The following TMEM132D variants were observed in gnomAD, a reference collection of about 807,000 sequenced individuals.
TMEM132D encodes mature OL transmembrane protein.
A neutral mutation model predicts 62.3 loss-of-function variants in TMEM132D; 21 were observed. That is an observed-to-expected ratio of 0.34 (90% CI 0.24 to 0.49). TMEM132D has a LOEUF of 0.49. TMEM132D is among the 20% of genes least tolerant of loss of function. The pLI is 0.99. For missense variants in TMEM132D, 1,346 were observed against 1,402.8 expected, an observed-to-expected ratio of 0.96 and a Z score of 0.65; for synonymous variants, 621 against 575.6, an observed-to-expected ratio of 1.08 and a Z score of -1.13.
chr12:129,695,367 G>A (rs187862297), intron 2 of TMEM132D, among the ~76,000 whole-genome samples: 13 of 152,290 alleles, frequency 8.5e-5, no homozygotes, highest in South Asian at 2.1e-4. Flanking sequence ...GGAAACTAGC[G>A]GGGACATATG....
rs577199861 is a variant in TMEM132D, at chr12:129,871,996, G to A, written c.79+31265C>T. 3.9e-3 allele frequency among the ~76,000 whole-genome samples: 600 copies of A among 152,230 alleles called. 3 individuals carry two copies. Among genetic ancestry groups the A allele is most frequent in the African/African-American group, 0.014 (565 of 41,536 alleles). Reference sequence around the variant, plus strand: ...CCTGTGTGGGTCCACACTCCCCAGCGAGCTGCTTCCCTTCATTTACAGCTC... The same window carrying A: ...CCTGTGTGGGTCCACACTCCCCAGCAAGCTGCTTCCCTTCATTTACAGCTC... On this transcript the variant is annotated intron_variant, in intron 1 of 8. Transcript: ENST00000422113.
chr12:129,719,054 T>C (rs1005293276), intron 1 of TMEM132D, among the ~76,000 whole-genome samples: 11 of 142,138 alleles, frequency 7.7e-5, no homozygotes, highest in Admixed American at 5.1e-4. Flanking sequence ...CTGGGAAACA[T>C]GGCGAGACCT....
At chr12:129,404,098 G>A (rs910575130) in intron 3 of TMEM132D, among the ~76,000 whole-genome samples, 1 of 152,182 alleles carries the variant, frequency 6.6e-6, no homozygotes, top group African/African-American at 2.4e-5. Context: ...GGATGGGGAT[G>A]CAGTTGGAGG....
intron 4 of TMEM132D, among the ~76,000 whole-genome samples, chr12:129,275,513 AAC>A (rs1438785165): frequency 2.0e-5 from 3 of 152,182 alleles, no homozygotes; most frequent in Admixed American, 6.5e-5. Context: ...GAAACTAAAA[AAC>A]ACAAACTACA....
chr12:129,201,969 G>A (rs1248055206), intron 5 of TMEM132D, among the ~76,000 whole-genome samples: 1 of 151,694 alleles, frequency 6.6e-6, no homozygotes, highest in Non-Finnish European at 1.5e-5. Flanking sequence ...GTATATTATT[G>A]CAAACATCTG....
rs142738395 is a variant in TMEM132D, at chr12:129,343,761, C to CA, written c.1116-5945dup. ...GCCTCATCTCTTAAAACAAAAAAAA[C>CA]AAAAAAAAACAAAAAAAAAAAACAA... On this transcript the variant is annotated intron_variant, in intron 3 of 8. Transcript: ENST00000422113. 1.2e-3 allele frequency among the ~76,000 whole-genome samples: 162 copies of CA among 133,226 alleles called. 1 individual carries two copies. Among genetic ancestry groups the CA allele is most frequent in the South Asian group, 4.8e-3 (20 of 4,142 alleles). The allele number at this position is 133,226 out of a possible 152,430, so 87.4% of individuals were successfully genotyped here.
rs56091765 is a variant in TMEM132D, at chr12:129,337,441, G to GCGCACACACA, written c.1299+192_1299+193insTGTGTGTGCG. On this transcript the variant is annotated intron_variant, in intron 4 of 8. Transcript: ENST00000422113. ...TAGATATAGATATAGATACACACAC[G>GCGCACACACA]CACACACACACACACACACACACAC... Among the ~76,000 whole-genome samples, 163 of 148,228 alleles carry GCGCACACACA rather than the reference G, an allele frequency of 1.1e-3. 3 individuals are homozygous for GCGCACACACA. Among genetic ancestry groups the GCGCACACACA allele is most frequent in the African/African-American group, 3.7e-3 (149 of 40,422 alleles).
At chr12:129,381,438 A>C (rs1048343169) in intron 3 of TMEM132D, among the ~76,000 whole-genome samples, 3 of 152,202 alleles carry the variant, frequency 2.0e-5, no homozygotes, top group African/African-American at 7.2e-5. Context: ...TTTTCACTGT[A>C]ATCAGGTTTG....
intron 4 of TMEM132D, among the ~76,000 whole-genome samples, chr12:129,320,198 T>C (rs1868644762): frequency 6.6e-6 from 1 of 152,208 alleles, no homozygotes; most frequent in African/African-American, 2.4e-5. Flanking sequence ...TGTCAATCCA[T>C]ACCTGGAACA....
At position 129,253,179 on chromosome 12, in the gene TMEM132D, C is replaced by T. The variant is rs185753850; in HGVS notation, c.1300-43516G>A. 5.1e-3 allele frequency among the ~76,000 whole-genome samples: 735 copies of T among 143,288 alleles called. 12 individuals carry two copies. Among genetic ancestry groups the T allele is most frequent in the Admixed American group, 0.034 (478 of 13,918 alleles). 94.0% of individuals were successfully genotyped at this position (143,288 alleles called of 152,430 possible). On this transcript the variant is annotated intron_variant, in intron 4 of 8. Transcript: ENST00000422113. ...CATGTTGTGCACATGTACCCTAAAACGTAAAGTAAAATAATAATAATAAAA... is the reference window on the plus strand; with the variant it reads ...CATGTTGTGCACATGTACCCTAAAATGTAAAGTAAAATAATAATAATAAAA...
intron 4 of TMEM132D, among the ~76,000 whole-genome samples, chr12:129,213,903 G>T (rs1879129162): frequency 6.6e-6 from 1 of 152,178 alleles, no homozygotes; most frequent in South Asian, 2.1e-4. Context: ...AAATGTGTAT[G>T]TATCTCAATA....
intron 1 of TMEM132D, among the ~76,000 whole-genome samples, chr12:129,900,889 G>A (rs1398846454): frequency 2.0e-5 from 3 of 152,262 alleles, no homozygotes; most frequent in Admixed American, 2.0e-4. Context: ...CAGGGGCATA[G>A]AAATACAAGC....
intron 4 of TMEM132D, among the ~76,000 whole-genome samples, chr12:129,259,332 G>A (rs75675122): frequency 0.025 from 3,824 of 152,290 alleles, 159 homozygotes; most frequent in African/African-American, 0.087. Flanking sequence ...TTGCCTGAAG[G>A]AGAAGAACCA....
chr12:129,512,118 C>T (rs1016147020), intron 3 of TMEM132D, among the ~76,000 whole-genome samples: 3 of 152,112 alleles, frequency 2.0e-5, no homozygotes, highest in African/African-American at 7.2e-5. Context: ...TCAAATAATT[C>T]CTGATTAAAC....
chr12:129,462,461 C>A (rs913772247), intron 3 of TMEM132D, among the ~76,000 whole-genome samples: 7 of 152,182 alleles, frequency 4.6e-5, no homozygotes, highest in Non-Finnish European at 8.8e-5. Flanking sequence ...TTGTTACAAT[C>A]TGAGTTCTAA....
chr12:129,086,197 C>T (rs1304552450), intron 5 of TMEM132D, among the ~76,000 whole-genome samples: 4 of 73,508 alleles, frequency 5.4e-5, no homozygotes, highest in African/African-American at 2.7e-4. Context: ...TAGTCACGCG[C>T]GCGCGTGTGT....
intron 3 of TMEM132D, among the ~76,000 whole-genome samples, chr12:129,439,756 GT>G (rs374420497): frequency 6.6e-6 from 1 of 151,986 alleles, no homozygotes; most frequent in Non-Finnish European, 1.5e-5. Flanking sequence ...CTGGCCTGGA[GT>G]TTTTTTTAAG....
intron 3 of TMEM132D, among the ~76,000 whole-genome samples, chr12:129,391,124 C>T (rs920553387): frequency 2.6e-5 from 4 of 152,204 alleles, no homozygotes; most frequent in Non-Finnish European, 5.9e-5. Flanking sequence ...AATCTTTTGT[C>T]GTTAATGCAC....
chr12:129,136,371 G>A (rs1048676660), intron 5 of TMEM132D, among the ~76,000 whole-genome samples: 2 of 152,102 alleles, frequency 1.3e-5, no homozygotes, highest in Non-Finnish European at 2.9e-5. Context: ...ATCTGGGGCT[G>A]TTCCTCAGTC....
Sources: gnomAD v4.1 joint callset for allele counts (sites outside exome capture counted in the v4.1 genomes callset) on GRCh38, gnomAD v4.1.1 for gene constraint, MANE v1.5 for transcripts, NCBI Gene and HGNC (gene_info 2026-07-23, HGNC 2026-07-21) for gene names.